ATP11A: variants seen among roughly 807,000 people sequenced by gnomAD.
ATP11A encodes the protein phospholipid-transporting ATPase IH.
Under a neutral mutation model 154.4 loss-of-function variants are expected in ATP11A, and 81 were observed. The observed-to-expected ratio is 0.52, with a 90% CI of 0.44 to 0.63. The LOEUF (loss-of-function observed/expected upper bound fraction) is 0.63, where lower values mean the gene tolerates loss of function less well. Ranked by LOEUF, ATP11A falls within the 30% of genes least tolerant of loss-of-function variation. ATP11A has a pLI of 0.00. For synonymous variants in ATP11A, 623 were observed against 585.9 expected, an observed-to-expected ratio of 1.06 and a Z score of -0.91; for missense variants, 1,316 against 1,474.3, an observed-to-expected ratio of 0.89 and a Z score of 1.76.
chr13:112,832,735 C>T, intron 13 of ATP11A, 125 bp from the exon 14 acceptor site: 5 of 1,094,424 alleles, frequency 4.6e-6, no homozygotes, highest in Non-Finnish European at 6.7e-6. Flanking sequence ...TCACCGCCCA[C>T]AAGCTGCCTT....
intron 1 of ATP11A, among the ~76,000 whole-genome samples, chr13:112,740,820 C>G (rs976320440): frequency 6.6e-6 from 1 of 152,222 alleles, no homozygotes; most frequent in Non-Finnish European, 1.5e-5. Context: ...AAAGATCTAG[C>G]TGTTTTGTTG....
chr13:112,878,270 G>A lies in ATP11A; in HGVS notation c.3381G>A (p.Gln1127=), dbSNP rs200573559. Residue 1127 remains glutamine (Q), a synonymous_variant, in exon 29 of 30, where the codon CAG becomes CAA. Coordinates refer to ENST00000375645, the MANE Select transcript of ATP11A (RefSeq NM_015205.3). The stretch of plus-strand genomic sequence containing the variant: ...AGTCAACCATCTTTATGCTTTCTCA[G>A]ACTTCCAGCAGCCTGAGTTTCTGAT... ...VEQSTIFMLS[Q]TSSSLSF is the part of the protein sequence containing the mutation. 4.0e-5 allele frequency: 65 copies of A among 1,614,188 alleles called. No individual in the cohort carries two copies. The East Asian group carries it at 1.4e-3, about 35-fold the overall frequency.
At chr13:112,724,102 A>T (rs1407786576) in intron 1 of ATP11A, among the ~76,000 whole-genome samples, 2 of 46,074 alleles carry the variant, frequency 4.3e-5, no homozygotes, top group East Asian at 6.5e-4. Context: ...TATCGTCCCC[A>T]TCGCCCCCTT....
intron 28 of ATP11A, 156 bp downstream of exon 28, chr13:112,876,097 A>G: frequency 1.4e-6 from 1 of 722,688 alleles, no homozygotes; most frequent in East Asian, 2.9e-5. Context: ...GCATGATGTT[A>G]AACATCAGGT....
chr13:112,758,526 A>C (rs1346676595), intron 1 of ATP11A, among the ~76,000 whole-genome samples: 2 of 149,846 alleles, frequency 1.3e-5, no homozygotes, highest in East Asian at 2.0e-4. Flanking sequence ...TGGGTTCACG[A>C]CATTCTCCTG....
chr13:112,736,116 C>T (rs576316487), intron 1 of ATP11A, among the ~76,000 whole-genome samples: 1 of 152,190 alleles, frequency 6.6e-6, no homozygotes, highest in African/African-American at 2.4e-5. Flanking sequence ...ACCATGGTGC[C>T]AGGATGCGGG....
intron 16 of ATP11A, 71 bp from the exon 17 acceptor site, chr13:112,842,205 G>T (rs2079441558): frequency 8.0e-7 from 1 of 1,249,754 alleles, no homozygotes; most frequent in African/African-American, 1.5e-5. Flanking sequence ...TTTTAATAAT[G>T]GCATAATTTT....
chr13:112,735,504 TTAACA>T (rs1449618810), intron 1 of ATP11A, among the ~76,000 whole-genome samples: 2 of 152,192 alleles, frequency 1.3e-5, no homozygotes, highest in Non-Finnish European at 2.9e-5. Context: ...ATTCCAAGTC[TTAACA>T]TTACTTAGTA....
intron 17 of ATP11A, among the ~76,000 whole-genome samples, chr13:112,848,639 G>T (rs1240259521): frequency 1.3e-5 from 2 of 152,196 alleles, no homozygotes; most frequent in Non-Finnish European, 2.9e-5. Context: ...CTGATCCTAC[G>T]GAAAAGCTTT....
At chr13:112,864,726 G>C (rs34879730) in intron 25 of ATP11A, among the ~76,000 whole-genome samples, 1 of 43,150 alleles carries the variant, frequency 2.3e-5, no homozygotes, top group South Asian at 7.0e-4. Flanking sequence ...AGTGCAGCAC[G>C]TGCAGCTTCC....
chr13:112,789,494 G>C (rs369793977), intron 2 of ATP11A, among the ~76,000 whole-genome samples: 1 of 148,036 alleles, frequency 6.8e-6, no homozygotes, highest in African/African-American at 2.5e-5. Context: ...CCAGTGTCCT[G>C]ATGTGTAGAC....
intron 1 of ATP11A, among the ~76,000 whole-genome samples, chr13:112,721,953 C>T (rs532104764): frequency 6.6e-6 from 1 of 152,334 alleles, no homozygotes; most frequent in African/African-American, 2.4e-5. Flanking sequence ...GGCCGGCACA[C>T]TGCCCACCAT....
At position 112,874,278 on chromosome 13, in the gene ATP11A, G is replaced by A. The variant is rs1020913322; in HGVS notation, c.3161+602G>A. On this transcript the variant is annotated intron_variant, in intron 27 of 29. Coordinates refer to ENST00000375645, the MANE Select transcript of ATP11A (RefSeq NM_015205.3). ...AGTGGGAGCCGTGGCCAGCGGAGAG[G>A]GGCCCGGACCAGGCTGCAGAGCAGG... Among the ~76,000 whole-genome samples, 4 of 152,162 alleles carry A rather than the reference G, an allele frequency of 2.6e-5. No homozygotes were observed. In the East Asian group the frequency reaches 7.7e-4, roughly 29 times the overall value.
At chr13:112,869,148 G>T (rs573443112) in intron 25 of ATP11A, among the ~76,000 whole-genome samples, 1 of 152,310 alleles carries the variant, frequency 6.6e-6, no homozygotes, top group East Asian at 1.9e-4. Context: ...GGCCACCAAG[G>T]GAATAAGAGG....
In ATP11A at chr13:112,866,182, A is replaced by G. The variant is rs539988869; in HGVS notation, c.2991+3607A>G. On this transcript the variant is annotated intron_variant, in intron 25 of 29. Coordinates refer to ENST00000375645, the MANE Select transcript of ATP11A (RefSeq NM_015205.3). ...CCAACACACATATGGTAAGACAATCATGGGTTTGTCGTTTCTCTGTGTTTT... is the reference window on the plus strand; with the variant it reads ...CCAACACACATATGGTAAGACAATCGTGGGTTTGTCGTTTCTCTGTGTTTT... Among the ~76,000 whole-genome samples, 8 of 152,284 alleles carry G rather than the reference A, an allele frequency of 5.3e-5. No individual in the cohort carries two copies. The East Asian group carries it at 1.4e-3, about 26-fold the overall frequency.
chr13:112,792,195 A>G lies in ATP11A; in HGVS notation c.162+6938A>G, dbSNP rs4439652. 3.5e-3 allele frequency among the ~76,000 whole-genome samples: 530 copies of G among 152,322 alleles called. 2 individuals are homozygous for G. The highest frequency in any genetic ancestry group is 0.012 in the African/African-American group (507 of 41,568). On this transcript the variant is annotated intron_variant, in intron 2 of 29. Transcript: ENST00000375645. Reference sequence around the variant, plus strand: ...GAACTCAGGAAGGAAAGGCCCTCAGAAAGGCTGGAGTCTGGAATCTAGGCA... The same window carrying G: ...GAACTCAGGAAGGAAAGGCCCTCAGGAAGGCTGGAGTCTGGAATCTAGGCA...
At chr13:112,835,410 T>C (rs371943171) in intron 15 of ATP11A, among the ~76,000 whole-genome samples, 2 of 152,200 alleles carry the variant, frequency 1.3e-5, no homozygotes, top group African/African-American at 4.8e-5. Context: ...AAAGGACAAA[T>C]CCCTTGATTC....
chr13:112,761,910 C>T (rs1466264904), intron 1 of ATP11A, among the ~76,000 whole-genome samples: 1 of 152,170 alleles, frequency 6.6e-6, no homozygotes, highest in African/African-American at 2.4e-5. Context: ...GGGGTGGGGC[C>T]TCCCCAGGGA....
At position 112,719,484 on chromosome 13, in the gene ATP11A, A is replaced by C. The variant is rs1174949901; in HGVS notation, c.39+29029A>C. ...CCTTGATTCCAACTGTCAGAAGACA[A>C]AATTACAAAACATTTAGTTATAGAT... On this transcript the variant is annotated intron_variant, in intron 1 of 29. Transcript: ENST00000375645. Among the ~76,000 whole-genome samples, 4 of 152,270 alleles carry C rather than the reference A, an allele frequency of 2.6e-5. No individual in the cohort carries two copies. In the East Asian group the frequency reaches 7.7e-4, roughly 29 times the overall value.
Sources: gnomAD v4.1 joint callset for allele counts (sites outside exome capture counted in the v4.1 genomes callset) on GRCh38, gnomAD v4.1.1 for gene constraint, MANE v1.5 for transcripts, NCBI Gene and HGNC (gene_info 2026-07-23, HGNC 2026-07-21) for gene names.